Variants in ZDHHC8 observed in about 807,000 individuals in gnomAD.
ZDHHC8 encodes the protein palmitoyltransferase ZDHHC8.
Under a neutral mutation model 61.2 loss-of-function variants are expected in ZDHHC8, and 24 were observed. The observed-to-expected ratio is 0.39, with a 90% CI of 0.28 to 0.55. The LOEUF is 0.55. ZDHHC8 is among the 20% of genes least tolerant of loss of function. The pLI is 0.60. For synonymous variants in ZDHHC8, 523 were observed against 492.5 expected, an observed-to-expected ratio of 1.06 and a Z score of -0.82; for missense variants, 935 against 1,102.1, an observed-to-expected ratio of 0.85 and a Z score of 2.15.
chr22:20,132,264 G>A (rs1283771979), intron 1 of ZDHHC8, among the ~76,000 whole-genome samples: 3 of 152,242 alleles, frequency 2.0e-5, no homozygotes, highest in South Asian at 4.1e-4. Context: ...TGAGTCCCTT[G>A]TGTGGGGACA....
At position 20,147,126 on chromosome 22, in the gene ZDHHC8, A is replaced by G. The variant is rs2050534441; in HGVS notation, c.*1726A>G. On this transcript the variant is annotated 3_prime_UTR_variant, in exon 11 of 11. Coordinates refer to ENST00000334554, the MANE Select transcript of ZDHHC8 (RefSeq NM_013373.4). ...TTGGCCGCCCGGAGGACCGCCCACC[A>G]CTGCGGGCCCCCTGGAGCCAGGCCG... 6.5e-7 allele frequency: 1 copy of G among 1,534,072 alleles called. No homozygotes were observed. Among genetic ancestry groups the G allele is most frequent in the Admixed American group, 2.0e-5 (1 of 49,402 alleles).
Position 20,145,534 on chromosome 22 carries a change from A to T in ZDHHC8, c.*134A>T. The T allele has an allele frequency of 7.7e-7, 1 of 1,306,302 alleles. No individual in the cohort carries two copies. The highest frequency in any genetic ancestry group is 9.7e-7 in the Non-Finnish European group (1 of 1,028,062). 80.9% of individuals were successfully genotyped at this position (1,306,302 alleles called of 1,614,324 possible). On this transcript the variant is annotated 3_prime_UTR_variant, in exon 11 of 11. Coordinates refer to ENST00000334554, the MANE Select transcript of ZDHHC8 (RefSeq NM_013373.4). Reference sequence around the variant, plus strand: ...TGGTGTGGACCCATCGGCGGGAGAGAGTGCCACGCCTCCACAGCTTGCCCC... The same window carrying T: ...TGGTGTGGACCCATCGGCGGGAGAGTGTGCCACGCCTCCACAGCTTGCCCC...
At chr22:20,138,572 T>C (rs1038119605) in intron 1 of ZDHHC8, among the ~76,000 whole-genome samples, 2 of 152,154 alleles carry the variant, frequency 1.3e-5, no homozygotes, top group Non-Finnish European at 2.9e-5. Context: ...TGCTGATGGC[T>C]GGGAAGATGG....
intron 9 of ZDHHC8, 71 bp downstream of exon 9, chr22:20,141,601 C>G: frequency 7.5e-7 from 1 of 1,334,084 alleles, no homozygotes; most frequent in African/African-American, 1.5e-5. Context: ...CGCCCCACAG[C>G]CTTCACCCCG....
chr22:20,143,226 C>A lies in ZDHHC8; in HGVS notation c.1596C>A (p.Arg532=), dbSNP rs751994193. 7.6e-5 allele frequency: 122 copies of A among 1,606,918 alleles called. 1 individual carries two copies. In the South Asian group the frequency reaches 1.3e-3, roughly 17 times the overall value. The change falls in exon 10 of 11, where the codon CGC becomes CGA. Residue 532 remains arginine (R), a synonymous_variant. Coordinates refer to ENST00000334554, the MANE Select transcript of ZDHHC8 (RefSeq NM_013373.4). The part of the protein sequence containing the change: ...PRSFSPVLGP[R]PREPSPVRYD... ...GCTTCAGCCCCGTGCTGGGCCCCCG[C>A]CCCCGGGAGCCCTCGCCTGTGCGCT...
Position 20,148,001 on chromosome 22 carries a change from T to G in ZDHHC8, c.*2601T>G, listed in dbSNP as rs1426787312. 1 of 152,504 alleles carries G rather than the reference T, an allele frequency of 6.6e-6. No individual in the cohort carries two copies. The highest frequency in any genetic ancestry group is 1.5e-5 in the Non-Finnish European group (1 of 68,222). 9.4% of individuals were successfully genotyped at this position (152,504 alleles called of 1,614,324 possible). A position where few individuals can be genotyped will look rare whatever the true frequency, so the allele number is the denominator to read the frequency against. ...AATTCCCCAAATAAAATTTTTGGTGTTGATCAGCTCTGTCTACCAATGTGG... is the reference window on the plus strand; with the variant it reads ...AATTCCCCAAATAAAATTTTTGGTGGTGATCAGCTCTGTCTACCAATGTGG... On this transcript the variant is annotated 3_prime_UTR_variant, in exon 11 of 11. Coordinates refer to ENST00000334554, the MANE Select transcript of ZDHHC8 (RefSeq NM_013373.4).
rs369880753 is a variant in ZDHHC8 at position 20,141,948 on chromosome 22, G to T, written c.1125+418G>T. ...CTTTGGAAGAATTTGAGACGTGCTT[G>T]AGAAAGCACATTTCTCTTCCCTGAG... On this transcript the variant is annotated intron_variant, in intron 9 of 10. Coordinates refer to ENST00000334554, the MANE Select transcript of ZDHHC8 (RefSeq NM_013373.4). Among the ~76,000 whole-genome samples, 7 of 152,364 alleles carry T rather than the reference G, an allele frequency of 4.6e-5. No individual in the cohort carries two copies. The East Asian group carries it at 7.7e-4, about 17-fold the overall frequency.
rs1321613324 is a variant in ZDHHC8 at position 20,140,986 on chromosome 22, C to T, written c.868C>T (p.Leu290=). The change falls in exon 7 of 11, where the codon CTG becomes TTG. Residue 290 remains leucine, a synonymous_variant. Transcript: ENST00000334554. The part of the protein sequence containing the change: ...PLKVKLSDNG[L]KAGLGRSKSK... ...CAAGGTCAAGCTTAGTGACAACGGG[C>T]TGAAGGCTGGCCTGGGCCGTAGCAA... is the stretch of plus-strand genomic sequence containing the variant. The T allele has an allele frequency of 1.2e-6, 2 of 1,611,278 alleles. No individual in the cohort carries two copies. The highest frequency in any genetic ancestry group is 2.2e-5 in the East Asian group (1 of 44,884).
At position 20,137,546 on chromosome 22, in the gene ZDHHC8, G is replaced by A. The variant is rs1218413267; in HGVS notation, c.105-1648G>A. Among the ~76,000 whole-genome samples the A allele has an allele frequency of 2.0e-5, 3 of 152,272 alleles. No individual in the cohort carries two copies. In the East Asian group the frequency reaches 5.8e-4, roughly 29 times the overall value. On this transcript the variant is annotated intron_variant, in intron 1 of 10. Coordinates refer to ENST00000334554, the MANE Select transcript of ZDHHC8 (RefSeq NM_013373.4). ...ACGGGCATCATGAGGGCCTGCGTTT[G>A]GTTTAATGCTCCGCTGTCAACATCT...
rs766631591 is a variant in ZDHHC8, at chr22:20,140,957, C to T, written c.839C>T (p.Pro280Leu). 9.3e-6 allele frequency: 15 copies of T among 1,610,450 alleles called. No homozygotes were observed. The highest frequency in any genetic ancestry group is 1.3e-5 in the African/African-American group (1 of 74,938). ...LRPELLDRAA[P>L]LKVKLSDNGL... ...CCTGAACTCCTGGACCGAGCTGCAC[C>T]GCTCAAGGTCAAGCTTAGTGACAAC... The change falls in exon 7 of 11, where the codon CCG (proline) becomes CTG (leucine). Residue 280 changes from proline to leucine, a missense_variant. Around this residue, in one of 3 missense-constraint regions of ZDHHC8, gnomAD observed 692 missense variants for 731.4 expected, o/e 0.95. Coordinates refer to ENST00000334554, the MANE Select transcript of ZDHHC8 (RefSeq NM_013373.4).
Position 20,145,278 on chromosome 22 carries a change from C to T in ZDHHC8, c.2176C>T (p.Pro726Ser). ...TPPSKLNGQS[P>S]GLARLGPATG... ...CCCAAGTAAGCTTAATGGGCAGTCC[C>T]CGGGCCTGGCCCGGCTGGGACCTGC... Residue 726 changes from proline to serine, a missense_variant, in exon 11 of 11, where the codon CCG (proline) becomes TCG (serine). Pro to Ser is a moderately conservative substitution (Grantham distance 74, BLOSUM62 -1). Transcript: ENST00000334554. 2 of 1,574,812 alleles carry T rather than the reference C, an allele frequency of 1.3e-6. No individual in the cohort carries two copies. The highest frequency in any genetic ancestry group is 1.7e-6 in the Non-Finnish European group (2 of 1,161,816).
At chr22:20,138,301 A>G (rs1252894758) in intron 1 of ZDHHC8, among the ~76,000 whole-genome samples, 1 of 152,210 alleles carries the variant, frequency 6.6e-6, no homozygotes, top group African/African-American at 2.4e-5. Flanking sequence ...CAGCTGTCTC[A>G]GGGTGCGCAG....
At chr22:20,137,006 C>G (rs1222564990) in intron 1 of ZDHHC8, among the ~76,000 whole-genome samples, 2 of 152,222 alleles carry the variant, frequency 1.3e-5, no homozygotes, top group Admixed American at 1.3e-4. Context: ...AGGATCTGAC[C>G]TTGGGGACTA....
At position 20,144,170 on chromosome 22, in the gene ZDHHC8, A is replaced by G. The variant is rs185173685; in HGVS notation, c.2126+414A>G. On this transcript the variant is annotated intron_variant, in intron 10 of 10. Coordinates refer to ENST00000334554, the MANE Select transcript of ZDHHC8 (RefSeq NM_013373.4). Reference sequence around the variant, plus strand: ...GCTCTCCCTGGGCCTGCTTGGCTGCATCTCTAGGAGGCTGGGGCTGAGGAT... The same window carrying G: ...GCTCTCCCTGGGCCTGCTTGGCTGCGTCTCTAGGAGGCTGGGGCTGAGGAT... Among the ~76,000 whole-genome samples the G allele has an allele frequency of 5.8e-3, 885 of 152,110 alleles. 8 individuals carry two copies. Among genetic ancestry groups the G allele is most frequent in the Non-Finnish European group, 8.5e-3 (574 of 67,928 alleles).
In ZDHHC8 at chr22:20,146,278, G is replaced by T; in HGVS notation, c.*878G>T. On this transcript the variant is annotated 3_prime_UTR_variant, in exon 11 of 11. Coordinates refer to ENST00000334554, the MANE Select transcript of ZDHHC8 (RefSeq NM_013373.4). ...CAAGGCATGCCACGTCCGCAGCCCC[G>T]GCCTGGCTGCGGTGCTCGCGCCGTG... The T allele has an allele frequency of 1.0e-6, 1 of 985,562 alleles. No homozygotes were observed. The highest frequency in any genetic ancestry group is 1.7e-5 in the African/African-American group (1 of 57,314). 61.1% of individuals were successfully genotyped at this position (985,562 alleles called of 1,614,324 possible).
At chr22:20,134,115 G>C (rs2050401160) in intron 1 of ZDHHC8, among the ~76,000 whole-genome samples, 1 of 152,238 alleles carries the variant, frequency 6.6e-6, no homozygotes, top group Non-Finnish European at 1.5e-5. Flanking sequence ...CCCTACACCT[G>C]GCCTATGCTG....
At position 20,132,593 on chromosome 22, in the gene ZDHHC8, G is replaced by A. The variant is rs761829653; in HGVS notation, c.104+542G>A. Among the ~76,000 whole-genome samples, 29 of 152,354 alleles carry A rather than the reference G, an allele frequency of 1.9e-4. 1 individual carries two copies. Among genetic ancestry groups the A allele is most frequent in the Non-Finnish European group, 7.4e-5 (5 of 68,018 alleles). ...GCCTGGCCCTTGGCCTCCTTCTCAG[G>A]AAGACCCAGTGGTCATCACAGCTGG... On this transcript the variant is annotated intron_variant, in intron 1 of 10. Coordinates refer to ENST00000334554, the MANE Select transcript of ZDHHC8 (RefSeq NM_013373.4).
At position 20,141,439 on chromosome 22, in the gene ZDHHC8, A is replaced by G; in HGVS notation, c.1034A>G (p.Gln345Arg). Residue 345 changes from glutamine to arginine, a missense_variant, in exon 9 of 11, where the codon CAG becomes CGG. Physicochemically the swap from Gln to Arg is conservative, Grantham distance 43. This residue lies in a region of ZDHHC8 where 692 missense variants were observed against 731.4 expected (regional missense o/e 0.95). Transcript: ENST00000334554. ...TCCCCAGAGAGTGCCCTGTCGGTGC[A>G]GAGGACCAGCCCCCCGACACCTGCC... ...PGSAESALSVQRTSPPTPAMY... is the reference protein window; with the variant it reads ...PGSAESALSVRRTSPPTPAMY... 1 of 1,613,308 alleles carries G rather than the reference A, an allele frequency of 6.2e-7. No individual in the cohort carries two copies. Among genetic ancestry groups the G allele is most frequent in the African/African-American group, 1.3e-5 (1 of 75,026 alleles).
At chr22:20,145,177 C>T (rs372575134) in intron 10 of ZDHHC8, 52 bp from the exon 11 acceptor site, 66 of 1,366,412 alleles carry the variant, frequency 4.8e-5, no homozygotes, top group East Asian at 3.9e-4. Flanking sequence ...CCTCTGTCCC[C>T]GTGTTCGTGT....
Sources: allele counts gnomAD v4.1 joint callset (sites outside exome capture counted in the v4.1 genomes callset), GRCh38; gene constraint gnomAD v4.1.1; regional missense constraint gnomAD v4.1.1; transcripts MANE v1.5; gene names NCBI Gene and HGNC (gene_info 2026-07-23, HGNC 2026-07-21).